Variants in MOB3B observed in about 807,000 individuals in gnomAD.
The protein encoded by MOB3B is MOB kinase activator-like 2B.
Under a neutral mutation model 18.7 loss-of-function variants are expected in MOB3B, and 7 were observed. The ratio of observed to expected loss-of-function variants is 0.37; its 90% CI spans 0.21 to 0.70. MOB3B has a LOEUF of 0.70. Among genes scored for constraint, MOB3B ranks in the 30% least tolerant of loss-of-function variants. MOB3B has a pLI of 0.52. For missense variants in MOB3B, 253 were observed against 281.3 expected (o/e 0.90, Z 0.72); for synonymous variants, 111 against 99.9 (o/e 1.11, Z -0.66).
intron 3 of MOB3B, among the ~76,000 whole-genome samples, chr9:27,352,765 A>G (rs533192861): frequency 1.3e-5 from 2 of 152,346 alleles, no homozygotes; most frequent in African/African-American, 2.4e-5. Context: ...TCCATGGATC[A>G]TGATATCTCT....
intron 2 of MOB3B, among the ~76,000 whole-genome samples, chr9:27,382,349 C>A (rs1192377198): frequency 6.6e-6 from 1 of 152,158 alleles, no homozygotes; most frequent in African/African-American, 2.4e-5. Flanking sequence ...GCCTTCTCTG[C>A]CTAAAGCCCC....
intron 2 of MOB3B, among the ~76,000 whole-genome samples, chr9:27,388,457 C>A (rs1004480059): frequency 3.3e-5 from 5 of 151,440 alleles, no homozygotes; most frequent in African/African-American, 1.2e-4. Context: ...CTCAGAGTAT[C>A]TTTTTTTTTC....
At position 27,514,706 on chromosome 9, in the gene MOB3B, A is replaced by C. The variant is rs1039013839; in HGVS notation, c.-199+14849T>G. Among the ~76,000 whole-genome samples the C allele has an allele frequency of 2.0e-5, 3 of 152,224 alleles. No homozygotes were observed. The East Asian group carries it at 5.8e-4, about 29-fold the overall frequency. On this transcript the variant is annotated intron_variant, in intron 1 of 3. Coordinates refer to ENST00000262244, the MANE Select transcript of MOB3B (RefSeq NM_024761.5). ...ACCATGCTTTTCCCCATTTTGGGCC[A>C]TGATGAAGAAATGCTATCCCAAGCC...
At chr9:27,446,688 A>G (rs1315399998) in intron 2 of MOB3B, among the ~76,000 whole-genome samples, 2 of 152,196 alleles carry the variant, frequency 1.3e-5, no homozygotes, top group Non-Finnish European at 1.5e-5. Context: ...TTACTGCTCT[A>G]TGTCCTAGCA....
chr9:27,338,606 A>G (rs1226555127), intron 3 of MOB3B, among the ~76,000 whole-genome samples: 1 of 152,198 alleles, frequency 6.6e-6, no homozygotes, highest in Non-Finnish European at 1.5e-5. Flanking sequence ...AAAACATCCC[A>G]AACAACTCTA....
intron 3 of MOB3B, among the ~76,000 whole-genome samples, chr9:27,334,404 T>G (rs1377353449): frequency 6.6e-6 from 1 of 152,244 alleles, no homozygotes; most frequent in African/African-American, 2.4e-5. Context: ...GACTCCAATC[T>G]GAAATCATAT....
intron 2 of MOB3B, among the ~76,000 whole-genome samples, chr9:27,438,420 A>T (rs1424245652): frequency 6.6e-6 from 1 of 152,216 alleles, no homozygotes; most frequent in Non-Finnish European, 1.5e-5. Context: ...CAGCTGAAGG[A>T]GGCTCAGGAC....
chr9:27,371,120 T>C (rs1236389450), intron 2 of MOB3B, among the ~76,000 whole-genome samples: 3 of 152,224 alleles, frequency 2.0e-5, no homozygotes, highest in Non-Finnish European at 4.4e-5. Context: ...AACAGGTAGT[T>C]TTCCAGAGTT....
chr9:27,387,485 A>C (rs928109121), intron 2 of MOB3B, among the ~76,000 whole-genome samples: 20 of 152,346 alleles, frequency 1.3e-4, no homozygotes, highest in African/African-American at 4.6e-4. Flanking sequence ...ATAGTGCCAA[A>C]GTCACTGTGC....
chr9:27,427,207 G>A (rs1474848757), intron 2 of MOB3B, among the ~76,000 whole-genome samples: 1 of 152,136 alleles, frequency 6.6e-6, no homozygotes, highest in Non-Finnish European at 1.5e-5. Flanking sequence ...CCCACCAGAA[G>A]GCCAGGGCTA....
At chr9:27,466,573 A>G (rs560470298) in intron 1 of MOB3B, among the ~76,000 whole-genome samples, 3 of 152,208 alleles carry the variant, frequency 2.0e-5, no homozygotes, top group Non-Finnish European at 4.4e-5. Flanking sequence ...TGCTGCTGAT[A>G]AAAACATACC....
intron 1 of MOB3B, among the ~76,000 whole-genome samples, chr9:27,473,493 C>T (rs895295667): frequency 6.6e-6 from 1 of 152,054 alleles, no homozygotes; most frequent in Admixed American, 6.5e-5. Flanking sequence ...CAGAGAGGGA[C>T]CTGTTGCCCT....
chr9:27,528,538 G>C (rs888848140), intron 1 of MOB3B, among the ~76,000 whole-genome samples: 10 of 152,270 alleles, frequency 6.6e-5, no homozygotes, highest in African/African-American at 2.4e-4. Flanking sequence ...GCGGGGTGGG[G>C]CGGCCTCGCT....
chr9:27,437,817 T>G (rs1332179672), intron 2 of MOB3B, among the ~76,000 whole-genome samples: 1 of 152,212 alleles, frequency 6.6e-6, no homozygotes, highest in Non-Finnish European at 1.5e-5. Flanking sequence ...ATCATGTCAG[T>G]TAAAAAATGT....
chr9:27,390,139 G>A (rs1333947532), intron 2 of MOB3B, among the ~76,000 whole-genome samples: 6 of 151,978 alleles, frequency 3.9e-5, no homozygotes, highest in Admixed American at 1.3e-4. Context: ...GTGCAGTGGT[G>A]TGATCTTGGC....
intron 2 of MOB3B, among the ~76,000 whole-genome samples, chr9:27,436,170 A>G (rs988000381): frequency 3.9e-5 from 6 of 152,154 alleles, no homozygotes; most frequent in African/African-American, 1.4e-4. Flanking sequence ...GGCTCCTATT[A>G]GAGACTTTGT....
intron 2 of MOB3B, among the ~76,000 whole-genome samples, chr9:27,409,205 T>C (rs1011437251): frequency 1.3e-5 from 2 of 152,228 alleles, no homozygotes; most frequent in African/African-American, 4.8e-5. Flanking sequence ...GTTCTATGGA[T>C]CAGGGATATG....
intron 1 of MOB3B, among the ~76,000 whole-genome samples, chr9:27,517,827 A>G (rs2131505221): frequency 6.6e-6 from 1 of 152,222 alleles, no homozygotes; most frequent in East Asian, 1.9e-4. Flanking sequence ...CAAAGAAAAC[A>G]AACAAGTAAG....
At chr9:27,444,316 A>G (rs77638806) in intron 2 of MOB3B, among the ~76,000 whole-genome samples, 12,088 of 65,626 alleles carry the variant, frequency 0.18, 593 homozygotes, top group Middle Eastern at 0.24. Flanking sequence ...AGGAAGGAAG[A>G]AAGGAAGGAA....
Sources: allele counts gnomAD v4.1 joint callset (sites outside exome capture counted in the v4.1 genomes callset), GRCh38; gene constraint gnomAD v4.1.1; transcripts MANE v1.5; gene names NCBI Gene and HGNC (gene_info 2026-07-23, HGNC 2026-07-21).